Variants in MYZAP observed in about 807,000 individuals in gnomAD.
The protein encoded by MYZAP is myocardial zonula adherens protein, also known as GRINL1A complex locus upstream.
A neutral mutation model predicts 69.4 loss-of-function variants in MYZAP; 66 were observed. That is an observed-to-expected ratio of 0.95 (90% CI 0.78 to 1.17). The LOEUF (loss-of-function observed/expected upper bound fraction) is 1.17, where lower values mean the gene tolerates loss of function less well. Ranked by LOEUF, MYZAP falls within the 50% of genes most tolerant of loss-of-function variation. The pLI is 0.00. For missense variants in MYZAP, 611 were observed against 556.2 expected, an observed-to-expected ratio of 1.10 and a Z score of -0.99; for synonymous variants, 256 against 205.9, an observed-to-expected ratio of 1.24 and a Z score of -2.09.
intron 2 of MYZAP, among the ~76,000 whole-genome samples, chr15:57,605,272 A>T (rs1289684804): frequency 6.6e-6 from 1 of 152,216 alleles, no homozygotes; most frequent in Admixed American, 6.5e-5. Context: ...TATAGAGGTT[A>T]GGAGGTGGTA....
intron 11 of MYZAP, among the ~76,000 whole-genome samples, chr15:57,665,547 G>T (rs1432326440): frequency 6.6e-6 from 1 of 152,154 alleles, no homozygotes; most frequent in African/African-American, 2.4e-5. Context: ...GAAGAGCCTT[G>T]GCTCTTACAC....
At chr15:57,613,079 CT>C in intron 2 of MYZAP, among the ~76,000 whole-genome samples, 1 of 151,342 alleles carries the variant, frequency 6.6e-6, no homozygotes, top group South Asian at 2.1e-4. Context: ...CTACAGGCGC[CT>C]GCCACCACGC....
chr15:57,647,420 C>T, intron 10 of MYZAP: 1 of 985,330 alleles, frequency 1.0e-6, no homozygotes, highest in Non-Finnish European at 1.2e-6. Flanking sequence ...GCCTTTATTG[C>T]TGTAATGTTT....
intron 2 of MYZAP, among the ~76,000 whole-genome samples, chr15:57,612,653 C>A (rs756149789): frequency 6.6e-6 from 1 of 152,168 alleles, no homozygotes; most frequent in Non-Finnish European, 1.5e-5. Context: ...GCCTTGTTAA[C>A]GCAGACTCTT....
Position 57,592,066 on chromosome 15 carries a change from TC to T in MYZAP, c.33del (p.Ser12ArgfsTer22). 7.1e-7 allele frequency: 1 copy of T among 1,401,134 alleles called. No homozygotes were observed. The allele number at this position is 1,401,134 out of a possible 1,614,324, so 86.8% of individuals were successfully genotyped here. On this transcript the variant is annotated frameshift_variant, in exon 1 of 13. Coordinates refer to ENST00000267853, the MANE Select transcript of MYZAP (RefSeq NM_001018100.5). LOFTEE classifies it high-confidence loss of function. ...CGCTCCACGTCCACGGTCACCCTGC[TC>T]TCGGGCGGCGCCGCCAGGACGCCCG... MLRSTSTVTL[L>X]SGGAARTPGA...
chr15:57,640,027 C>T (rs186885213), intron 10 of MYZAP, among the ~76,000 whole-genome samples: 9 of 152,190 alleles, frequency 5.9e-5, no homozygotes, highest in African/African-American at 1.9e-4. Flanking sequence ...CCTCCTTCCT[C>T]GTTCTCTTCT....
At chr15:57,649,567 C>A (rs1325775782) in intron 10 of MYZAP, among the ~76,000 whole-genome samples, 2 of 152,132 alleles carry the variant, frequency 1.3e-5, no homozygotes, top group Non-Finnish European at 2.9e-5. Flanking sequence ...TTTTTTCCAG[C>A]TGACTTGTAG....
intron 2 of MYZAP, among the ~76,000 whole-genome samples, chr15:57,611,672 C>G (rs1044901421): frequency 2.0e-5 from 3 of 152,028 alleles, no homozygotes; most frequent in Non-Finnish European, 4.4e-5. Context: ...ATCTTTTCTC[C>G]TGAGTTTACT....
Position 57,661,529 on chromosome 15 carries a change from G to A in MYZAP, c.1199G>A (p.Gly400Glu). ...TTAGAAAAGATATCTTTCTTAGAAG[G>A]AGAGGTAAGGATCTCTGTTTCTTTA... is the stretch of plus-strand genomic sequence containing the variant. Reference protein sequence around the residue: ...QLLEKISFLEGENNELQSRLD... With the variant: ...QLLEKISFLEEENNELQSRLD... The change falls in exon 11 of 13, where the codon GGA becomes GAA. Residue 400 changes from glycine (G) to glutamate (E), a missense_variant. Coordinates refer to ENST00000267853, the MANE Select transcript of MYZAP (RefSeq NM_001018100.5). The A allele has an allele frequency of 6.2e-7, 1 of 1,608,722 alleles. No individual in the cohort carries two copies. Among genetic ancestry groups the A allele is most frequent in the Admixed American group, 1.7e-5 (1 of 59,326 alleles).
chr15:57,594,035 T>C (rs182245113), intron 1 of MYZAP, among the ~76,000 whole-genome samples: 1 of 152,372 alleles, frequency 6.6e-6, no homozygotes, highest in Admixed American at 6.5e-5. Context: ...TGGTGATGGT[T>C]ATAGTGGGGT....
chr15:57,638,472 G>C (rs189734384), intron 9 of MYZAP, among the ~76,000 whole-genome samples: 15 of 152,186 alleles, frequency 9.9e-5, no homozygotes, highest in African/African-American at 3.6e-4. Context: ...AATAGTACGT[G>C]CTGAAAAAAT....
At chr15:57,624,260 T>G (rs2035992481) in intron 4 of MYZAP, among the ~76,000 whole-genome samples, 1 of 152,220 alleles carries the variant, frequency 6.6e-6, no homozygotes, top group Non-Finnish European at 1.5e-5. Context: ...AGTTAATATC[T>G]GTGGGAAAGA....
intron 10 of MYZAP, among the ~76,000 whole-genome samples, chr15:57,644,946 C>T (rs1429413948): frequency 6.6e-6 from 1 of 152,220 alleles, no homozygotes; most frequent in African/African-American, 2.4e-5. Context: ...GAAAGCTGGA[C>T]TACCACTAAG....
chr15:57,633,987 G>A (rs1486860254), intron 8 of MYZAP, among the ~76,000 whole-genome samples: 1 of 152,156 alleles, frequency 6.6e-6, no homozygotes, highest in African/African-American at 2.4e-5. Flanking sequence ...TAATATTTTA[G>A]CAGCCTTGCT....
intron 11 of MYZAP, among the ~76,000 whole-genome samples, chr15:57,670,545 T>C (rs945987289): frequency 6.6e-6 from 1 of 152,114 alleles, no homozygotes; most frequent in Non-Finnish European, 1.5e-5. Context: ...TTATAGTCTC[T>C]GCCATTTAAT....
In MYZAP at chr15:57,633,543, G is replaced by A. The variant is rs2036630963; in HGVS notation, c.805-70G>A. The stretch of plus-strand genomic sequence containing the variant: ...GAAATCGTGATCTAGCAAGGCCTGA[G>A]CTGATTGGATCCCGGTGAGTAGCCT... On this transcript the variant is annotated intron_variant, in intron 7 of 12. Transcript: ENST00000267853. 4 of 1,535,468 alleles carry A rather than the reference G, an allele frequency of 2.6e-6. No homozygotes were observed. The South Asian group carries it at 5.4e-5, about 21-fold the overall frequency.
At chr15:57,607,205 G>A (rs932018319) in intron 2 of MYZAP, among the ~76,000 whole-genome samples, 5 of 152,178 alleles carry the variant, frequency 3.3e-5, no homozygotes, top group African/African-American at 9.7e-5. Flanking sequence ...AGAGGAATTG[G>A]GGAATATAGT....
Position 57,632,466 on chromosome 15 carries a change from G to T in MYZAP, c.711G>T (p.Val237=), listed in dbSNP as rs545861267. Residue 237 remains valine (V), a synonymous_variant, in exon 7 of 13, where the codon GTG becomes GTT. Coordinates refer to ENST00000267853, the MANE Select transcript of MYZAP (RefSeq NM_001018100.5). The part of the protein sequence containing the change: ...VESSQEANAE[V]MREMTKKLYS... ...CGTCCCAAGAAGCCAATGCTGAGGTGATGCGAGAGATGACCAAGAAGCTGT... is the reference window on the plus strand; with the variant it reads ...CGTCCCAAGAAGCCAATGCTGAGGTTATGCGAGAGATGACCAAGAAGCTGT... The T allele has an allele frequency of 1.2e-6, 2 of 1,614,210 alleles. No homozygotes were observed. Among genetic ancestry groups the T allele is most frequent in the African/African-American group, 2.7e-5 (2 of 75,058 alleles).
chr15:57,598,195 C>T (rs1410054219), intron 1 of MYZAP, among the ~76,000 whole-genome samples: 1 of 152,124 alleles, frequency 6.6e-6, no homozygotes, highest in African/African-American at 2.4e-5. Context: ...GAGACCCAGG[C>T]CCTCATCTCC....
Sources: gnomAD v4.1 joint callset for allele counts (sites outside exome capture counted in the v4.1 genomes callset) on GRCh38, gnomAD v4.1.1 for gene constraint, MANE v1.5 for transcripts, NCBI Gene and HGNC (gene_info 2026-07-23, HGNC 2026-07-21) for gene names.